Variants in TMEM164 observed in about 807,000 individuals in gnomAD.
TMEM164 encodes RP13-360B22.2.
A neutral mutation model predicts 18.8 loss-of-function variants in TMEM164; 4 were observed. That is an observed-to-expected ratio of 0.21 (90% CI 0.10 to 0.49). The LOEUF (loss-of-function observed/expected upper bound fraction) is 0.49, where lower values mean the gene tolerates loss of function less well. TMEM164 is among the 20% of genes least tolerant of loss of function. TMEM164 has a pLI of 0.98. For synonymous variants in TMEM164, 86 were observed against 101.7 expected, an observed-to-expected ratio of 0.85 and a Z score of 0.93; for missense variants, 108 against 239.9, an observed-to-expected ratio of 0.45 and a Z score of 3.63.
At chrX:110,101,881 C>T (rs751001507) in intron 3 of TMEM164, among the ~76,000 whole-genome samples, 10 of 110,153 alleles carry the variant, frequency 9.1e-5, no homozygotes, top group Non-Finnish European at 1.5e-4. Context: ...CTGAGCCCTG[C>T]CTCTCTATTG....
chrX:110,028,037 A>G lies in TMEM164; in HGVS notation c.390+23873A>G, dbSNP rs191667559. Among the ~76,000 whole-genome samples the G allele has an allele frequency of 5.4e-5, 6 of 111,942 alleles. No homozygotes were observed. The East Asian group carries it at 1.7e-3, about 31-fold the overall frequency. On this transcript the variant is annotated intron_variant, in intron 2 of 6. Transcript: ENST00000372068. Reference sequence around the variant, plus strand: ...TGTCTTTGTGGGAAGATTATGGACTACTGATTCAATTTCTTTAATGGTTAT... The same window carrying G: ...TGTCTTTGTGGGAAGATTATGGACTGCTGATTCAATTTCTTTAATGGTTAT...
chrX:110,072,073 G>A (rs780508481), intron 3 of TMEM164, among the ~76,000 whole-genome samples: 5 of 110,109 alleles, frequency 4.5e-5, no homozygotes, highest in African/African-American at 1.7e-4. Flanking sequence ...GGCTGAGGTG[G>A]TCAGACCACC....
intron 2 of TMEM164, among the ~76,000 whole-genome samples, chrX:110,053,381 G>T (rs1399622644): frequency 8.9e-6 from 1 of 111,941 alleles, no homozygotes; most frequent in African/African-American, 3.3e-5. Context: ...AGAACAAACT[G>T]ATGTAGGCAC....
At chrX:110,043,838 G>T (rs924124541) in intron 2 of TMEM164, among the ~76,000 whole-genome samples, 2 of 111,858 alleles carry the variant, frequency 1.8e-5, no homozygotes, top group African/African-American at 6.5e-5. Context: ...ATAACAATGG[G>T]ATGATTCCTT....
chrX:110,065,872 C>G (rs1428760539), intron 2 of TMEM164, among the ~76,000 whole-genome samples: 6 of 112,079 alleles, frequency 5.4e-5, no homozygotes, highest in Non-Finnish European at 1.1e-4. Context: ...AACCTCAATT[C>G]AAGTCGTATT....
At chrX:110,020,839 C>G (rs1297901631) in intron 2 of TMEM164, among the ~76,000 whole-genome samples, 1 of 111,324 alleles carries the variant, frequency 9.0e-6, no homozygotes. Context: ...AATGGTAAAT[C>G]TGGCCAGTGA....
intron 2 of TMEM164, among the ~76,000 whole-genome samples, chrX:110,025,953 A>G (rs1157041887): frequency 8.9e-6 from 1 of 112,547 alleles, no homozygotes; most frequent in African/African-American, 3.2e-5. Context: ...TCACCCAATC[A>G]CTGTCATTAT....
At chrX:110,163,513 C>A (rs939226111) in intron 5 of TMEM164, among the ~76,000 whole-genome samples, 3 of 111,939 alleles carry the variant, frequency 2.7e-5, no homozygotes, top group Non-Finnish European at 1.9e-5. Flanking sequence ...CCACCAGCTG[C>A]ATGTGACTAG....
chrX:110,046,581 G>A lies in TMEM164; in HGVS notation c.391-20766G>A, dbSNP rs1050486940. The A allele has an allele frequency of 5.2e-6, 3 of 575,807 alleles. No homozygotes were observed. The African/African-American group carries it at 7.5e-5, about 14-fold the overall frequency. The allele number at this position is 575,807 out of a possible 1,213,427, so 47.5% of individuals were successfully genotyped here. On this transcript the variant is annotated intron_variant, in intron 2 of 6. Transcript: ENST00000372068. The stretch of plus-strand genomic sequence containing the variant: ...TTCTGTTAATAAATGCTGCCTGTTT[G>A]AGTTTCTCTTCTGGTGTCACTAGGA...
intron 3 of TMEM164, 122 bp from the exon 4 acceptor site, chrX:110,108,958 A>T (rs927963834): frequency 1.6e-6 from 1 of 618,657 alleles, no homozygotes. Flanking sequence ...GCCATTTTCC[A>T]CAGAGAGCAA....
intron 2 of TMEM164, among the ~76,000 whole-genome samples, chrX:110,021,728 T>C (rs766654450): frequency 8.9e-6 from 1 of 112,077 alleles, no homozygotes; most frequent in Admixed American, 9.4e-5. Flanking sequence ...ATACATGTAA[T>C]GGTTGGGGAC....
chrX:110,061,524 G>A (rs760268805), intron 2 of TMEM164, among the ~76,000 whole-genome samples: 1 of 112,021 alleles, frequency 8.9e-6, no homozygotes, highest in Non-Finnish European at 1.9e-5. Flanking sequence ...GACACTGCTT[G>A]GTTGTGGACA....
In TMEM164 at chrX:110,023,026, G is replaced by A. The variant is rs372371442; in HGVS notation, c.390+18862G>A. ...AGGTCCTATTACACTCTGTTCTGTC[G>A]CCCTTGAAGGACAGGTGAACCTAAT... On this transcript the variant is annotated intron_variant, in intron 2 of 6. Coordinates refer to ENST00000372068, the MANE Select transcript of TMEM164 (RefSeq NM_032227.4). 3.6e-5 allele frequency among the ~76,000 whole-genome samples: 4 copies of A among 112,181 alleles called. No individual in the cohort carries two copies. In the East Asian group the frequency reaches 8.4e-4, roughly 24 times the overall value.
chrX:110,107,402 C>A (rs2066220009), intron 3 of TMEM164, among the ~76,000 whole-genome samples: 1 of 112,169 alleles, frequency 8.9e-6, no homozygotes, highest in Admixed American at 9.4e-5. Context: ...CAAGAAAGTT[C>A]ATGTAAAGCA....
intron 3 of TMEM164, among the ~76,000 whole-genome samples, chrX:110,091,937 T>A (rs1278766688): frequency 8.9e-6 from 1 of 112,163 alleles, no homozygotes; most frequent in Non-Finnish European, 1.9e-5. Flanking sequence ...GGTTAGCCAG[T>A]TTTCCCAGCA....
At chrX:110,093,136 A>T (rs767446735) in intron 3 of TMEM164, among the ~76,000 whole-genome samples, 1 of 111,775 alleles carries the variant, frequency 8.9e-6, no homozygotes, top group Non-Finnish European at 1.9e-5. Flanking sequence ...GGATTTTTGC[A>T]TCGATGTTCA....
At chrX:110,124,864 G>A (rs2066507981) in intron 4 of TMEM164, among the ~76,000 whole-genome samples, 1 of 111,824 alleles carries the variant, frequency 8.9e-6, no homozygotes, top group South Asian at 3.7e-4. Flanking sequence ...GGATTATTTG[G>A]AAGAAAATCT....
intron 3 of TMEM164, among the ~76,000 whole-genome samples, chrX:110,078,307 C>A (rs191483496): frequency 2.7e-5 from 3 of 111,621 alleles, no homozygotes; most frequent in African/African-American, 9.8e-5. Flanking sequence ...TCAATTCCAC[C>A]AGTTCTGTTT....
intron 2 of TMEM164, among the ~76,000 whole-genome samples, chrX:110,034,985 C>T (rs1934710894): frequency 3.0e-5 from 3 of 100,922 alleles, no homozygotes; most frequent in Non-Finnish European, 4.0e-5. Context: ...AAACCAAACA[C>T]CGCATATTCT....
Sources: allele counts gnomAD v4.1 joint callset (sites outside exome capture counted in the v4.1 genomes callset), GRCh38; gene constraint gnomAD v4.1.1; transcripts MANE v1.5; gene names NCBI Gene and HGNC (gene_info 2026-07-23, HGNC 2026-07-21).